Variants in TJP1 observed in about 807,000 individuals in gnomAD.
TJP1 encodes the protein tight junction protein ZO-1.
Under a neutral mutation model 194.2 loss-of-function variants are expected in TJP1, and 43 were observed. That is an observed-to-expected ratio of 0.22 (90% CI 0.17 to 0.29). The LOEUF (loss-of-function observed/expected upper bound fraction) is 0.29, where lower values mean the gene tolerates loss of function less well. Among genes scored for constraint, TJP1 ranks in the 10% least tolerant of loss-of-function variants. TJP1 has a pLI of 1.00. For missense variants in TJP1, 1,971 were observed against 2,185.7 expected, an observed-to-expected ratio of 0.90 and a Z score of 1.96; for synonymous variants, 801 against 779.0, an observed-to-expected ratio of 1.03 and a Z score of -0.47.
intron 11 of TJP1, among the ~76,000 whole-genome samples, chr15:29,736,851 A>G (rs185397029): frequency 7.2e-5 from 11 of 152,280 alleles, no homozygotes; most frequent in African/African-American, 2.4e-4. Flanking sequence ...TTGCTTCAAG[A>G]TGACTCATAT....
At chr15:29,749,967 T>C (rs1252256573) in intron 8 of TJP1, among the ~76,000 whole-genome samples, 1 of 151,274 alleles carries the variant, frequency 6.6e-6, no homozygotes, top group Non-Finnish European at 1.5e-5. Context: ...CTCAGCCTCC[T>C]GAGTAGCTGG....
chr15:29,840,548 T>C (rs1320033578), intron 2 of TJP1, among the ~76,000 whole-genome samples: 1 of 152,096 alleles, frequency 6.6e-6, no homozygotes. Flanking sequence ...AGCACCCTGT[T>C]CCTCCAGGAG....
chr15:29,882,913 G>A (rs1279857806), intron 2 of TJP1, among the ~76,000 whole-genome samples: 3 of 152,034 alleles, frequency 2.0e-5, no homozygotes, highest in Non-Finnish European at 4.4e-5. Flanking sequence ...ATTTCCCTTC[G>A]TCTTCTTGCT....
At chr15:29,798,482 G>A (rs1307581864) in intron 2 of TJP1, among the ~76,000 whole-genome samples, 2 of 152,010 alleles carry the variant, frequency 1.3e-5, no homozygotes, top group Admixed American at 6.6e-5. Context: ...GTCATCACTC[G>A]AAAAGTTTTG....
intron 23 of TJP1, among the ~76,000 whole-genome samples, chr15:29,714,518 G>C (rs1471732488): frequency 1.5e-5 from 2 of 136,598 alleles, no homozygotes; most frequent in Non-Finnish European, 3.1e-5. Flanking sequence ...GAGTACAGGC[G>C]TGAGCCACTG....
intron 1 of TJP1, among the ~76,000 whole-genome samples, chr15:29,806,611 T>C (rs935601757): frequency 2.0e-5 from 3 of 152,196 alleles, no homozygotes; most frequent in Non-Finnish European, 2.9e-5. Flanking sequence ...TTGGTCTTTT[T>C]GGCTTTTTTC....
At position 29,731,059 on chromosome 15, in the gene TJP1, A is replaced by G. The variant is rs959458459; in HGVS notation, c.2017+1374T>C. The stretch of plus-strand genomic sequence containing the variant: ...GAAATACTTTTATCAAGTTTTATAA[A>G]AATGCAGAATTTTGTTTTACTTTTT... On this transcript the variant is annotated intron_variant, in intron 15 of 27. Coordinates refer to ENST00000614355, the MANE Select transcript of TJP1 (RefSeq NM_001330239.4). 5.8e-6 allele frequency: 5 copies of G among 864,124 alleles called. No individual in the cohort carries two copies. The African/African-American group carries it at 8.4e-5, about 15-fold the overall frequency. 53.5% of individuals were successfully genotyped at this position (864,124 alleles called of 1,614,324 possible). A position where few individuals can be genotyped will look rare whatever the true frequency, so the allele number is the denominator to read the frequency against.
At chr15:29,855,079 T>C (rs1490760362) in intron 2 of TJP1, among the ~76,000 whole-genome samples, 4 of 152,104 alleles carry the variant, frequency 2.6e-5, no homozygotes, top group Non-Finnish European at 4.4e-5. Context: ...CTTTAAAATA[T>C]AATGGAAAAA....
In TJP1 at chr15:29,800,468, T is replaced by A. The variant is rs1595938522; in HGVS notation, c.84+178A>T. 1.5e-5 allele frequency: 9 copies of A among 599,716 alleles called. No individual in the cohort carries two copies. The East Asian group carries it at 2.6e-4, about 18-fold the overall frequency. 37.1% of individuals were successfully genotyped at this position (599,716 alleles called of 1,614,324 possible). A position where few individuals can be genotyped will look rare whatever the true frequency, so the allele number is the denominator to read the frequency against. On this transcript the variant is annotated intron_variant, in intron 2 of 27. Coordinates refer to ENST00000614355, the MANE Select transcript of TJP1 (RefSeq NM_001330239.4). ...ATACTCAAAAGGATATATGAAAAAG[T>A]AATCATGCTCACTTTTGACCTTAAT...
intron 15 of TJP1, among the ~76,000 whole-genome samples, chr15:29,730,426 T>TAAC (rs2151230345): frequency 6.7e-6 from 1 of 149,846 alleles, no homozygotes; most frequent in South Asian, 2.1e-4. Context: ...ACAAAAATAA[T>TAAC]AATAATAATA....
At chr15:29,956,299 A>G (rs1322417697) in exon 2 of TJP1, 3 of 1,289,116 alleles carry the variant, frequency 2.3e-6, no homozygotes, top group Non-Finnish European at 3.0e-6. Context: ...AATTCGTCTT[A>G]AAGAGGGTTT....
At chr15:29,805,533 T>A (rs949806787) in intron 1 of TJP1, among the ~76,000 whole-genome samples, 1 of 152,134 alleles carries the variant, frequency 6.6e-6, no homozygotes, top group East Asian at 1.9e-4. Flanking sequence ...CCATGTATCA[T>A]TCATTCATTC....
At chr15:29,820,138 G>A (rs1449608742) in intron 1 of TJP1, among the ~76,000 whole-genome samples, 1 of 149,146 alleles carries the variant, frequency 6.7e-6, no homozygotes. Flanking sequence ...CAGTAACAGC[G>A]AGCTTCCAAA....
At chr15:29,801,638 T>A (rs1306234386) in intron 1 of TJP1, among the ~76,000 whole-genome samples, 1 of 151,340 alleles carries the variant, frequency 6.6e-6, no homozygotes, top group Non-Finnish European at 1.5e-5. Flanking sequence ...ATTTTTTGTA[T>A]TTTTAGTACA....
intron 23 of TJP1, among the ~76,000 whole-genome samples, chr15:29,713,974 C>T (rs898822544): frequency 6.6e-6 from 1 of 152,100 alleles, no homozygotes; most frequent in African/African-American, 2.4e-5. Flanking sequence ...CCTGTGAAAA[C>T]AATGACCAGG....
At chr15:29,901,750 G>GC (rs1386687096) in intron 2 of TJP1, among the ~76,000 whole-genome samples, 4 of 151,664 alleles carry the variant, frequency 2.6e-5, no homozygotes, top group African/African-American at 9.7e-5. Flanking sequence ...GAACCTGGGA[G>GC]GTGAAGGATG....
intron 1 of TJP1, among the ~76,000 whole-genome samples, chr15:29,965,419 C>G (rs768890183): frequency 4.6e-5 from 7 of 152,054 alleles, no homozygotes; most frequent in Non-Finnish European, 8.8e-5. Flanking sequence ...ACCATATTGA[C>G]CAGGCTGGTA....
At chr15:29,709,279 C>T (rs1173202273) in intron 24 of TJP1, among the ~76,000 whole-genome samples, 2 of 152,074 alleles carry the variant, frequency 1.3e-5, no homozygotes, top group Non-Finnish European at 2.9e-5. Context: ...AGATTCCTGG[C>T]CTCCAAAGAT....
intron 2 of TJP1, among the ~76,000 whole-genome samples, chr15:29,835,177 G>T (rs2050984833): frequency 6.6e-6 from 1 of 152,158 alleles, no homozygotes; most frequent in Non-Finnish European, 1.5e-5. Context: ...AGGCCAATGT[G>T]AGATGTGGTT....
Sources: gnomAD v4.1 joint callset for allele counts (sites outside exome capture counted in the v4.1 genomes callset) on GRCh38, gnomAD v4.1.1 for gene constraint, MANE v1.5 for transcripts, NCBI Gene and HGNC (gene_info 2026-07-23, HGNC 2026-07-21) for gene names.